NWD2: variants seen among roughly 807,000 people sequenced by gnomAD.
NWD2 encodes NACHT and WD repeat domain-containing protein 2.
Under a neutral mutation model 132.7 loss-of-function variants are expected in NWD2, and 37 were observed. The observed-to-expected ratio is 0.28, with a 90% CI of 0.21 to 0.37. The LOEUF (loss-of-function observed/expected upper bound fraction) is 0.37, where lower values mean the gene tolerates loss of function less well. Ranked by LOEUF, NWD2 falls within the 10% of genes least tolerant of loss-of-function variation. The probability of loss-of-function intolerance (pLI) is 1.00; values close to 1 mark genes in which losing one functional copy is unlikely to be tolerated. For synonymous variants in NWD2, 705 were observed against 803.0 expected, an observed-to-expected ratio of 0.88 and a Z score of 2.06; for missense variants, 1,592 against 2,122.4, an observed-to-expected ratio of 0.75 and a Z score of 4.91.
At chr4:37,305,513 G>C (rs116462930) in intron 1 of NWD2, among the ~76,000 whole-genome samples, 5 of 152,066 alleles carry the variant, frequency 3.3e-5, no homozygotes, top group Non-Finnish European at 7.4e-5. Context: ...GTTGAAGTAC[G>C]TTCTTTCTGT....
intron 1 of NWD2, among the ~76,000 whole-genome samples, chr4:37,301,936 A>T (rs563028051): frequency 6.6e-6 from 1 of 152,214 alleles, no homozygotes; most frequent in South Asian, 2.1e-4. Flanking sequence ...GACTGAATCA[A>T]GGTAATTAGC....
Position 37,444,246 on chromosome 4 carries a change from G to C in NWD2, c.2258G>C (p.Arg753Pro), listed in dbSNP as rs78086173. 1.3e-6 allele frequency: 2 copies of C among 1,551,592 alleles called. No individual in the cohort carries two copies. Among genetic ancestry groups the C allele is most frequent in the Non-Finnish European group, 1.7e-6 (2 of 1,146,990 alleles). ...KLYLQDDNDL[R>P]EMHTILADYF... ...TATCTGCAGGATGACAATGACCTGC[G>C]TGAAATGCACACCATCTTAGCAGAT... Residue 753 changes from arginine to proline, a missense_variant, in exon 7 of 7, where the codon CGT becomes CCT. Around this residue, in one of 7 missense-constraint regions of NWD2, gnomAD observed 1,071 missense variants for 1,398.0 expected, o/e 0.77. Transcript: ENST00000309447. This position sits in a 1 kb window ranked among gnomAD's most constrained non-coding sequence, Gnocchi z 4.8.
chr4:37,278,464 C>G (rs1718068254), intron 1 of NWD2, among the ~76,000 whole-genome samples: 1 of 152,210 alleles, frequency 6.6e-6, no homozygotes, highest in African/African-American at 2.4e-5. Flanking sequence ...TTACCCTAAC[C>G]TGGTGGAACC....
At chr4:37,245,757 G>A (rs1349313843) in intron 1 of NWD2, among the ~76,000 whole-genome samples, 1 of 152,108 alleles carries the variant, frequency 6.6e-6, no homozygotes, top group South Asian at 2.1e-4. Context: ...ACCGGAGGTC[G>A]AGGGGGACAC....
chr4:37,324,444 A>T (rs1254344389), intron 1 of NWD2, among the ~76,000 whole-genome samples: 1 of 151,890 alleles, frequency 6.6e-6, no homozygotes, highest in East Asian at 1.9e-4. Context: ...TTTTAGAGAG[A>T]TTTATTGAAT....
At chr4:37,419,254 A>G (rs1238219802) in intron 3 of NWD2, among the ~76,000 whole-genome samples, 1 of 152,198 alleles carries the variant, frequency 6.6e-6, no homozygotes, top group African/African-American at 2.4e-5. Flanking sequence ...TTAACTCAAG[A>G]TGGATTAAAG....
At chr4:37,418,640 A>AT (rs1202366544) in intron 3 of NWD2, among the ~76,000 whole-genome samples, 15 of 144,768 alleles carry the variant, frequency 1.0e-4, no homozygotes, top group Non-Finnish European at 1.5e-4. Context: ...CCAAAAAAAA[A>AT]AATATATATA....
chr4:37,257,487 A>G (rs1717543837), intron 1 of NWD2, among the ~76,000 whole-genome samples: 1 of 152,214 alleles, frequency 6.6e-6, no homozygotes, highest in African/African-American at 2.4e-5. Context: ...CTCACAAGGC[A>G]GTGGTGAGAA....
rs768145530 is a variant in NWD2, at chr4:37,446,494, T to C, written c.4506T>C (p.Thr1502=). ...TCGTGTTTATCACATCGGCCGAGAC[T>C]GTGAACATCTGGAGTCTGACAGATG... ...DIIVFITSAE[T]VNIWSLTDEV... The change falls in exon 7 of 7, where the codon ACT becomes ACC. Residue 1502 remains threonine, a synonymous_variant. Transcript: ENST00000309447. This position sits in a 1 kb window ranked among gnomAD's most constrained non-coding sequence, Gnocchi z 6.7. The C allele has an allele frequency of 9.7e-6, 15 of 1,551,592 alleles. No individual in the cohort carries two copies. The Middle Eastern group carries it at 5.0e-4, about 52-fold the overall frequency.
chr4:37,428,882 C>A (rs535245204), intron 3 of NWD2, among the ~76,000 whole-genome samples: 1 of 152,198 alleles, frequency 6.6e-6, no homozygotes, highest in African/African-American at 2.4e-5. Flanking sequence ...CAGGCACACA[C>A]CACCATGCCT....
chr4:37,258,489 A>G (rs567427350), intron 1 of NWD2, among the ~76,000 whole-genome samples: 3 of 152,290 alleles, frequency 2.0e-5, no homozygotes, highest in South Asian at 2.1e-4. Context: ...AGAAAGTGTT[A>G]ATCATTTATT....
At chr4:37,269,370 C>T (rs1717822685) in intron 1 of NWD2, among the ~76,000 whole-genome samples, 1 of 151,832 alleles carries the variant, frequency 6.6e-6, no homozygotes. Flanking sequence ...GCTTAGTTTA[C>T]AGTCTTATAA....
chr4:37,351,577 AT>A (rs1436392969), intron 2 of NWD2, among the ~76,000 whole-genome samples: 1 of 151,928 alleles, frequency 6.6e-6, no homozygotes, highest in Non-Finnish European at 1.5e-5. Flanking sequence ...TTTCTTCTTT[AT>A]TAATCTGGCT....
At chr4:37,361,245 G>C (rs1299095315) in intron 3 of NWD2, among the ~76,000 whole-genome samples, 1 of 152,084 alleles carries the variant, frequency 6.6e-6, no homozygotes, top group African/African-American at 2.4e-5. Context: ...CACCAGATAT[G>C]CAAAGCAGAG....
intron 3 of NWD2, among the ~76,000 whole-genome samples, chr4:37,395,583 T>TCAAAA (rs1560411958): frequency 1.4e-4 from 1 of 7,136 alleles, no homozygotes; most frequent in Non-Finnish European, 2.9e-4. Context: ...AAACTCTGTC[T>TCAAAA]CAAAAAAAAA....
intron 2 of NWD2, among the ~76,000 whole-genome samples, chr4:37,351,008 C>A (rs554745625): frequency 6.6e-6 from 1 of 151,744 alleles, no homozygotes; most frequent in Non-Finnish European, 1.5e-5. Flanking sequence ...GTTGAACCAG[C>A]CTTGCATCCC....
intron 3 of NWD2, among the ~76,000 whole-genome samples, chr4:37,408,610 A>C (rs1222370580): frequency 6.6e-6 from 1 of 152,192 alleles, no homozygotes; most frequent in Non-Finnish European, 1.5e-5. Flanking sequence ...GCTTCAACAG[A>C]CTTAAACGTC....
intron 4 of NWD2, among the ~76,000 whole-genome samples, chr4:37,432,176 T>C (rs1000003249): frequency 9.9e-5 from 15 of 152,088 alleles, no homozygotes; most frequent in African/African-American, 2.9e-4. Context: ...TGTTCTTTCC[T>C]TGTGCTCCTT....
chr4:37,311,672 C>A (rs1178325679), intron 1 of NWD2, among the ~76,000 whole-genome samples: 2 of 148,486 alleles, frequency 1.3e-5, no homozygotes, highest in East Asian at 4.0e-4. Context: ...GCTTTTGTTG[C>A]TTTTGGTGTT....
Sources: allele counts gnomAD v4.1 joint callset (sites outside exome capture counted in the v4.1 genomes callset), GRCh38; gene constraint gnomAD v4.1.1; regional missense constraint gnomAD v4.1.1; non-coding constraint Gnocchi (gnomAD v3.1); transcripts MANE v1.5; gene names NCBI Gene and HGNC (gene_info 2026-07-23, HGNC 2026-07-21).